The following TAF7L variants were observed in gnomAD, a reference collection of about 807,000 sequenced individuals.
TAF7L encodes the protein transcription initiation factor TFIID subunit 7-like.
A neutral mutation model predicts 30.2 loss-of-function variants in TAF7L; 6 were observed. The ratio of observed to expected loss-of-function variants is 0.20; its 90% CI spans 0.11 to 0.39. The LOEUF is 0.39. Ranked by LOEUF, TAF7L falls within the 10% of genes least tolerant of loss-of-function variation. The pLI is 1.00. For synonymous variants in TAF7L, 93 were observed against 94.5 expected, an observed-to-expected ratio of 0.98 and a Z score of 0.09; for missense variants, 284 against 277.1, an observed-to-expected ratio of 1.03 and a Z score of -0.18.
At chrX:101,278,328 T>C (rs1426658341) in intron 7 of TAF7L, among the ~76,000 whole-genome samples, 1 of 112,545 alleles carries the variant, frequency 8.9e-6, no homozygotes, top group African/African-American at 3.2e-5. Context: ...CTTACTTTTT[T>C]CCTAATTAAA....
chrX:101,283,712 A>AT, intron 3 of TAF7L, 129 bp from the exon 4 acceptor site: 1 of 692,600 alleles, frequency 1.4e-6, no homozygotes, highest in Non-Finnish European at 2.1e-6. Flanking sequence ...TCATAATGCT[A>AT]GAATTGTGTA....
Position 101,276,368 on chromosome X carries a change from C to T in TAF7L, c.852G>A (p.Gln284=). The T allele has an allele frequency of 8.3e-7, 1 of 1,211,488 alleles. No individual in the cohort carries two copies. Among genetic ancestry groups the T allele is most frequent in the Non-Finnish European group, 1.1e-6 (1 of 895,504 alleles). Reference sequence around the variant, plus strand: ...CAGATTCAATAAACTCGGCCTGCAGCTGCCTTTCCAGATACTCTTCAGAAC... The same window carrying T: ...CAGATTCAATAAACTCGGCCTGCAGTTGCCTTTCCAGATACTCTTCAGAAC... ...EDCSEEYLER[Q]LQAEFIESGQ... is the part of the protein sequence containing the mutation. Residue 284 remains glutamine (Q), a synonymous_variant, in exon 10 of 13, where the codon CAG becomes CAA. Coordinates refer to ENST00000356784, the MANE Select transcript of TAF7L (RefSeq NM_001168474.2).
intron 1 of TAF7L, among the ~76,000 whole-genome samples, chrX:101,290,860 G>C (rs1177500115): frequency 9.0e-6 from 1 of 111,461 alleles, no homozygotes; most frequent in Non-Finnish European, 1.9e-5. Flanking sequence ...TCTCGCTTTA[G>C]CAGAATTACA....
In TAF7L at chrX:101,276,736, A is replaced by G. The variant is rs752803258; in HGVS notation, c.692-208T>C. ...TTCATTCATGTAGTGAATGATCAAG[A>G]TATTTAGAGACTCTAAGGGTCATAG... On this transcript the variant is annotated intron_variant, in intron 9 of 12. Coordinates refer to ENST00000356784, the MANE Select transcript of TAF7L (RefSeq NM_001168474.2). 3.6e-5 allele frequency among the ~76,000 whole-genome samples: 4 copies of G among 111,288 alleles called. No individual in the cohort carries two copies. In the South Asian group the frequency reaches 1.1e-3, roughly 32 times the overall value.
chrX:101,292,262 A>AT (rs368019699), upstream of TAF7L, among the ~76,000 whole-genome samples: 166 of 29,525 alleles, frequency 5.6e-3, 4 homozygotes, highest in South Asian at 0.019. Flanking sequence ...TAAATAAAAA[A>AT]AATAAATAAA....
intron 6 of TAF7L, 111 bp from the exon 7 acceptor site, chrX:101,279,146 A>C: frequency 1.7e-6 from 1 of 588,046 alleles, no homozygotes; most frequent in Non-Finnish European, 2.7e-6. Context: ...TAGGCACTCA[A>C]TAAATGTTGA....
At chrX:101,287,648 T>G in intron 1 of TAF7L, 103 bp from the exon 2 acceptor site, 1 of 567,396 alleles carries the variant, frequency 1.8e-6, no homozygotes, top group Non-Finnish European at 2.9e-6. Context: ...TTATACAAGA[T>G]CTTGCCCATA....
chrX:101,292,754 C>T (rs765274612), upstream of TAF7L: 4 of 1,194,342 alleles, frequency 3.3e-6, no homozygotes, highest in Non-Finnish European at 4.5e-6. Flanking sequence ...GAAAGAAGGT[C>T]CTCGGCTGGG....
At chrX:101,292,923 G>C, upstream of TAF7L, 1 of 1,211,330 alleles carries the variant, frequency 8.3e-7, no homozygotes, top group Non-Finnish European at 1.1e-6. Context: ...TTTCATAGGT[G>C]GTTTCAGACC....
At chrX:101,285,437 C>A (rs1353883488) in intron 3 of TAF7L, among the ~76,000 whole-genome samples, 1 of 101,294 alleles carries the variant, frequency 9.9e-6, no homozygotes, top group Non-Finnish European at 2.0e-5. Context: ...GGTGGAGGTT[C>A]CAGTGAGCCA....
chrX:101,279,131 T>C, intron 6 of TAF7L, 96 bp from the exon 7 acceptor site: 7 of 685,041 alleles, frequency 1.0e-5, no homozygotes, highest in Admixed American at 2.7e-5. Flanking sequence ...TAGTTTTACA[T>C]TTAGTAGGCA....
chrX:101,275,804 C>T (rs761573087), intron 11 of TAF7L, among the ~76,000 whole-genome samples, 196 bp downstream of exon 11: 2 of 111,495 alleles, frequency 1.8e-5, no homozygotes, highest in South Asian at 7.6e-4. Context: ...AGTCCCTTCC[C>T]CAAAATGCTT....
chrX:101,272,739 C>G (rs1924008302), intron 12 of TAF7L, among the ~76,000 whole-genome samples: 3 of 110,993 alleles, frequency 2.7e-5, no homozygotes, highest in African/African-American at 9.9e-5. Context: ...TCTGAATATG[C>G]TAAAAGCCAC....
In TAF7L at chrX:101,291,221, C is replaced by T. The variant is rs1174553021; in HGVS notation, c.-3+3G>A. 4.0e-6 allele frequency: 3 copies of T among 749,421 alleles called. No individual in the cohort carries two copies. Among genetic ancestry groups the T allele is most frequent in the Non-Finnish European group, 3.1e-6 (2 of 635,816 alleles). 61.8% of individuals were successfully genotyped at this position (749,421 alleles called of 1,213,427 possible). A position where few individuals can be genotyped will look rare whatever the true frequency, so the allele number is the denominator to read the frequency against. On this transcript the variant is annotated splice_donor_region_variant and intron_variant, in intron 1 of 12. Coordinates refer to ENST00000356784, the MANE Select transcript of TAF7L (RefSeq NM_001168474.2). Reference sequence around the variant, plus strand: ...CGGCCGCCCGGTCGGCCGCCCGACTCACCCGCTCCTCCGGGAACTGGCGCC... The same window carrying T: ...CGGCCGCCCGGTCGGCCGCCCGACTTACCCGCTCCTCCGGGAACTGGCGCC...
intron 3 of TAF7L, among the ~76,000 whole-genome samples, chrX:101,284,203 A>T (rs1924507041): frequency 8.9e-6 from 1 of 111,981 alleles, no homozygotes; most frequent in African/African-American, 3.2e-5. Flanking sequence ...GTGTGAATTA[A>T]CTCTAAAAAT....
chrX:101,292,865 C>T (rs147493489), upstream of TAF7L: 13,299 of 1,209,613 alleles, frequency 0.011, 61 homozygotes, highest in Middle Eastern at 0.036. Context: ...TGAGTGTCCT[C>T]GTCGGCAGGA....
chrX:101,286,882 AG>A (rs1924623160), intron 2 of TAF7L, among the ~76,000 whole-genome samples: 1 of 112,183 alleles, frequency 8.9e-6, no homozygotes, highest in African/African-American at 3.2e-5. Context: ...GCTTTCTCCT[AG>A]CTCTACAATC....
At chrX:101,292,256 T>A (rs75845991), upstream of TAF7L, among the ~76,000 whole-genome samples, 1,839 of 13,532 alleles carry the variant, frequency 0.14, 51 homozygotes, top group African/African-American at 0.4. Context: ...AAAAAATAAA[T>A]AAAAAAAATA....
chrX:101,279,067 T>G (rs1204860750), intron 6 of TAF7L, 32 bp from the exon 7 acceptor site: 1 of 1,103,882 alleles, frequency 9.1e-7, no homozygotes, highest in Non-Finnish European at 1.2e-6. Context: ...ACAAGTTATA[T>G]TATGATACCT....
Sources: gnomAD v4.1 joint callset for allele counts (sites outside exome capture counted in the v4.1 genomes callset) on GRCh38, gnomAD v4.1.1 for gene constraint, MANE v1.5 for transcripts, NCBI Gene and HGNC (gene_info 2026-07-23, HGNC 2026-07-21) for gene names.